Variants in RCL1 observed in about 807,000 individuals in gnomAD.
RCL1 encodes the protein RNA 3'-terminal phosphate cyclase-like protein.
A neutral mutation model predicts 42.4 loss-of-function variants in RCL1; 24 were observed. The ratio of observed to expected loss-of-function variants is 0.57; its 90% CI spans 0.41 to 0.80. The LOEUF is 0.80. Among genes scored for constraint, RCL1 ranks in the 30% least tolerant of loss-of-function variants. RCL1 has a pLI of 0.00. For synonymous variants in RCL1, 228 were observed against 177.3 expected, an observed-to-expected ratio of 1.29 and a Z score of -2.27; for missense variants, 578 against 467.9, an observed-to-expected ratio of 1.24 and a Z score of -2.17.
intron 8 of RCL1, among the ~76,000 whole-genome samples, chr9:4,857,536 A>G (rs889312363): frequency 3.0e-4 from 46 of 152,056 alleles, no homozygotes; most frequent in African/African-American, 9.9e-4. Flanking sequence ...GGTTGCTTCT[A>G]CGTTTTGACT....
chr9:4,851,673 T>C (rs948266245), intron 8 of RCL1, among the ~76,000 whole-genome samples: 8 of 151,606 alleles, frequency 5.3e-5, no homozygotes, highest in African/African-American at 1.9e-4. Context: ...GTTAAAGTCA[T>C]AGAAACCTGT....
Position 4,802,618 on chromosome 9 carries a change from A to G in RCL1, c.136+9391A>G, listed in dbSNP as rs187739641. Among the ~76,000 whole-genome samples the G allele has an allele frequency of 3.0e-4, 45 of 151,352 alleles. 1 individual carries two copies. The highest frequency in any genetic ancestry group is 3.0e-3 in the Admixed American group (45 of 15,254). On this transcript the variant is annotated intron_variant, in intron 1 of 8. Coordinates refer to ENST00000381750, the MANE Select transcript of RCL1 (RefSeq NM_005772.5). The stretch of plus-strand genomic sequence containing the variant: ...AAATGTTCATTTTTCAATGTTTACA[A>G]AATGTTCATTTTTTTTTACTTTGTT...
In RCL1 at chr9:4,860,933, T is replaced by C. The variant is rs997195023; in HGVS notation, c.*658T>C. ...TATTGGGATGTTTTTATATTCCAGG[T>C]GTGCTGTACATTCTTATTTTATTTT... On this transcript the variant is annotated 3_prime_UTR_variant, in exon 9 of 9. Transcript: ENST00000381750. 2 of 152,144 alleles carry C rather than the reference T, an allele frequency of 1.3e-5. No homozygotes were observed. The highest frequency in any genetic ancestry group is 2.1e-4 in the South Asian group (1 of 4,828). The allele number at this position is 152,144 out of a possible 1,614,324, so 9.4% of individuals were successfully genotyped here. A position where few individuals can be genotyped will look rare whatever the true frequency, so the allele number is the denominator to read the frequency against.
Position 4,841,355 on chromosome 9 carries a change from GAAGT to G in RCL1, c.710+4_710+7del. 1 of 1,610,820 alleles carries G rather than the reference GAAGT, an allele frequency of 6.2e-7. No homozygotes were observed. The highest frequency in any genetic ancestry group is 8.5e-7 in the Non-Finnish European group (1 of 1,177,206). On this transcript the variant is annotated splice_donor_variant and coding_sequence_variant, in exon 6 of 9. Transcript: ENST00000381750. LOFTEE classifies it high-confidence loss of function. ...ATCACATGAAAGGAGTCAACTCTGG[GAAGT>G]AAGTATCTGTGTTTTTGAAGTCTGT... is the stretch of plus-strand genomic sequence containing the variant.
At chr9:4,814,074 C>T (rs767592147) in intron 1 of RCL1, among the ~76,000 whole-genome samples, 4 of 152,026 alleles carry the variant, frequency 2.6e-5, no homozygotes, top group Non-Finnish European at 5.9e-5. Context: ...GGGTGCAGCA[C>T]ACCAGCATGG....
chr9:4,812,704 C>T (rs898969836), intron 1 of RCL1, among the ~76,000 whole-genome samples: 3 of 151,868 alleles, frequency 2.0e-5, no homozygotes, highest in Non-Finnish European at 2.9e-5. Flanking sequence ...ATAGGGATTG[C>T]ATTGAATCTG....
intron 6 of RCL1, among the ~76,000 whole-genome samples, chr9:4,842,166 C>T (rs1456649734): frequency 2.0e-5 from 3 of 152,106 alleles, no homozygotes; most frequent in Admixed American, 6.5e-5. Context: ...GAATGGGCAT[C>T]ATTTCACTTC....
intron 7 of RCL1, 38 bp from the exon 8 acceptor site, chr9:4,849,409 A>G (rs1371145692): frequency 5.9e-6 from 9 of 1,518,578 alleles, no homozygotes; most frequent in Non-Finnish European, 7.3e-6. Flanking sequence ...TTGGCTTTCC[A>G]TTTTCTGGTT....
At chr9:4,852,021 A>G (rs1197178574) in intron 8 of RCL1, among the ~76,000 whole-genome samples, 2 of 151,776 alleles carry the variant, frequency 1.3e-5, no homozygotes, top group Non-Finnish European at 1.5e-5. Context: ...AGCTGGGACT[A>G]CAGGCACCCG....
At chr9:4,825,619 AT>A (rs1452148555) in intron 2 of RCL1, among the ~76,000 whole-genome samples, 7 of 152,216 alleles carry the variant, frequency 4.6e-5, no homozygotes, top group Non-Finnish European at 8.8e-5. Flanking sequence ...TGTTAAATAT[AT>A]TTTTGGTAAA....
chr9:4,824,107 C>T (rs1010760281), intron 2 of RCL1, among the ~76,000 whole-genome samples: 1 of 152,072 alleles, frequency 6.6e-6, no homozygotes, highest in African/African-American at 2.4e-5. Context: ...TGAAACTTTC[C>T]AAAGTCCATT....
intron 1 of RCL1, among the ~76,000 whole-genome samples, chr9:4,797,468 C>G (rs1323607032): frequency 7.2e-5 from 11 of 152,098 alleles, no homozygotes; most frequent in Non-Finnish European, 1.5e-4. Flanking sequence ...AGTTTTCAAC[C>G]AGGGGCACTT....
intron 1 of RCL1, among the ~76,000 whole-genome samples, chr9:4,819,992 A>G (rs1375271106): frequency 6.6e-6 from 1 of 152,192 alleles, no homozygotes; most frequent in African/African-American, 2.4e-5. Context: ...AAAGAAATAT[A>G]ACTTTGCTAA....
intron 1 of RCL1, among the ~76,000 whole-genome samples, chr9:4,812,789 C>A (rs1816225829): frequency 6.6e-6 from 1 of 151,624 alleles, no homozygotes; most frequent in Admixed American, 6.6e-5. Flanking sequence ...CTTTCACTTC[C>A]TTGGTTAAAT....
rs80077829 is a variant in RCL1, at chr9:4,860,429, C to G, written c.*154C>G. 1.2e-6 allele frequency: 1 copy of G among 830,184 alleles called. No individual in the cohort carries two copies. The highest frequency in any genetic ancestry group is 1.8e-5 in the African/African-American group (1 of 55,870). The allele number at this position is 830,184 out of a possible 1,614,324, so 51.4% of individuals were successfully genotyped here. ...TATCAATATACAAATAAAAGACATC[C>G]CTGTAGCATATGGTTTCCAGCTGTT... is the stretch of plus-strand genomic sequence containing the variant. On this transcript the variant is annotated 3_prime_UTR_variant, in exon 9 of 9. Coordinates refer to ENST00000381750, the MANE Select transcript of RCL1 (RefSeq NM_005772.5).
intron 5 of RCL1, among the ~76,000 whole-genome samples, chr9:4,836,288 G>C (rs1000638125): frequency 6.6e-6 from 1 of 152,136 alleles, no homozygotes; most frequent in Non-Finnish European, 1.5e-5. Flanking sequence ...GGCAAGGTGG[G>C]TGGGTCCTAC....
intron 5 of RCL1, among the ~76,000 whole-genome samples, chr9:4,838,040 C>T (rs901311365): frequency 9.2e-5 from 14 of 152,188 alleles, no homozygotes; most frequent in African/African-American, 3.1e-4. Flanking sequence ...TGGAGATCGC[C>T]CTCTTCTCCA....
intron 5 of RCL1, among the ~76,000 whole-genome samples, chr9:4,840,850 A>C (rs1817293146): frequency 6.6e-6 from 1 of 152,086 alleles, no homozygotes; most frequent in African/African-American, 2.4e-5. Context: ...GAATGGACAG[A>C]GAATAGAAAG....
chr9:4,795,518 GAC>G (rs1842900092), intron 1 of RCL1, among the ~76,000 whole-genome samples: 1 of 152,172 alleles, frequency 6.6e-6, no homozygotes, highest in Non-Finnish European at 1.5e-5. Context: ...TGTAGTCCCT[GAC>G]ACATGATTTC....
Sources: allele counts gnomAD v4.1 joint callset (sites outside exome capture counted in the v4.1 genomes callset), GRCh38; gene constraint gnomAD v4.1.1; transcripts MANE v1.5; gene names NCBI Gene and HGNC (gene_info 2026-07-23, HGNC 2026-07-21).